MTFMT: variants seen among roughly 807,000 people sequenced by gnomAD.
MTFMT encodes mitochondrial methionyl-tRNA formyltransferase.
Under a neutral mutation model 51.8 loss-of-function variants are expected in MTFMT, and 47 were observed. The observed-to-expected ratio is 0.91, with a 90% CI of 0.72 to 1.16. The LOEUF is 1.16. Among genes scored for constraint, MTFMT ranks in the 50% most tolerant of loss-of-function variants. The pLI is 0.00. For synonymous variants in MTFMT, 196 were observed against 176.7 expected (o/e 1.11, Z -0.87); for missense variants, 512 against 482.3 (o/e 1.06, Z -0.58).
intron 1 of MTFMT, among the ~76,000 whole-genome samples, chr15:65,028,309 T>C (rs1310470080): frequency 6.6e-6 from 1 of 152,158 alleles, no homozygotes. Flanking sequence ...CTAGCTACTC[T>C]GGAAGCTGAG....
At position 65,002,962 on chromosome 15, in the gene MTFMT, C is replaced by CAAA. The variant is rs398027674; in HGVS notation, c.*97_*99dup. ...TGGGTGACAGAGTGAGACTCTGTCT[C>CAAA]AAAAAAAAAAAAAAAAAAAAAAGTC... On this transcript the variant is annotated 3_prime_UTR_variant, in exon 9 of 9. Coordinates refer to ENST00000220058, the MANE Select transcript of MTFMT (RefSeq NM_139242.4). The CAAA allele has an allele frequency of 0.016, 5,134 of 322,404 alleles. 4 individuals are homozygous for CAAA. The highest frequency in any genetic ancestry group is 0.02 in the Middle Eastern group (22 of 1,124). 20.0% of individuals were successfully genotyped at this position (322,404 alleles called of 1,614,324 possible).
At chr15:65,019,961 GTCTT>G (rs1016628145) in intron 5 of MTFMT, among the ~76,000 whole-genome samples, 2 of 151,978 alleles carry the variant, frequency 1.3e-5, no homozygotes, top group African/African-American at 4.8e-5. Flanking sequence ...TATTATACCA[GTCTT>G]TCTATTTAAT....
intron 4 of MTFMT, among the ~76,000 whole-genome samples, chr15:65,020,883 G>A (rs1289953087): frequency 2.0e-5 from 3 of 152,196 alleles, no homozygotes; most frequent in African/African-American, 7.2e-5. Context: ...TCAATAAACG[G>A]CAGTCACTAT....
chr15:65,015,034 A>C (rs2086306886), intron 6 of MTFMT, among the ~76,000 whole-genome samples: 1 of 151,778 alleles, frequency 6.6e-6, no homozygotes, highest in African/African-American at 2.4e-5. Context: ...GCCTTCAATA[A>C]ATATTTTGTT....
chr15:65,027,125 A>G lies in MTFMT; in HGVS notation c.210-85T>C, dbSNP rs1445180104. ...ACTTCACATATCGCTAAGTATGTTT[A>G]TGATTAATCTCATGAAGCATTTAGG... On this transcript the variant is annotated intron_variant, in intron 1 of 8. Coordinates refer to ENST00000220058, the MANE Select transcript of MTFMT (RefSeq NM_139242.4). 6.4e-6 allele frequency: 6 copies of G among 938,812 alleles called. No individual in the cohort carries two copies. In the African/African-American group the frequency reaches 8.2e-5, roughly 13 times the overall value. 58.2% of individuals were successfully genotyped at this position (938,812 alleles called of 1,614,324 possible). A position where few individuals can be genotyped will look rare whatever the true frequency, so the allele number is the denominator to read the frequency against.
rs757948033 is a variant in MTFMT at position 65,003,237 on chromosome 15, C to T, written c.995G>A (p.Arg332Gln). The stretch of plus-strand genomic sequence containing the variant: ...TAGTGATTTCTTGAGCATCACTGAT[C>T]GAACACCAATCCAACCATCCTAAAG... ...VYCKDGWIGV[R>Q]SVMLKKSLTA... The change falls in exon 9 of 9, where the codon CGA becomes CAA. Residue 332 changes from arginine to glutamine, a missense_variant. Transcript: ENST00000220058. The T allele has an allele frequency of 5.6e-6, 9 of 1,612,626 alleles. No individual in the cohort carries two copies. Among genetic ancestry groups the T allele is most frequent in the South Asian group, 2.2e-5 (2 of 90,932 alleles).
chr15:65,021,264 A>G (rs1045113385), intron 4 of MTFMT, among the ~76,000 whole-genome samples: 21 of 152,230 alleles, frequency 1.4e-4, no homozygotes, highest in Non-Finnish European at 1.5e-5. Flanking sequence ...AGACCTCACT[A>G]TGGCATGTAG....
At chr15:65,023,263 A>G (rs2086390873) in intron 3 of MTFMT, among the ~76,000 whole-genome samples, 1 of 152,204 alleles carries the variant, frequency 6.6e-6, no homozygotes, top group Non-Finnish European at 1.5e-5. Context: ...TAGGACAATT[A>G]TATTGCATAT....
intron 6 of MTFMT, among the ~76,000 whole-genome samples, chr15:65,007,601 C>T (rs1463200763): frequency 6.6e-6 from 1 of 152,042 alleles, no homozygotes; most frequent in Non-Finnish European, 1.5e-5. Flanking sequence ...AAGTGGAATG[C>T]GTGGGTTAAA....
chr15:65,016,637 TTTTC>T, intron 5 of MTFMT, 110 bp from the exon 6 acceptor site: 1 of 550,454 alleles, frequency 1.8e-6, no homozygotes, highest in Non-Finnish European at 3.1e-6. Flanking sequence ...ACCTCTCAAC[TTTTC>T]TTTATGTTCA....
At chr15:65,021,262 C>A (rs892835610) in intron 4 of MTFMT, among the ~76,000 whole-genome samples, 7 of 152,208 alleles carry the variant, frequency 4.6e-5, no homozygotes, top group East Asian at 1.9e-4. Context: ...TAAGACCTCA[C>A]TATGGCATGT....
intron 5 of MTFMT, 73 bp downstream of exon 5, chr15:65,020,124 G>T: frequency 7.2e-7 from 1 of 1,385,036 alleles, no homozygotes; most frequent in Non-Finnish European, 9.9e-7. Context: ...CAGCTAAGAA[G>T]TCAGAATGTT....
chr15:65,026,850 G>C lies in MTFMT; in HGVS notation c.400C>G (p.Leu134Val). The part of the protein sequence containing the change: ...ASFGRLLNEA[L>V]ILKFPYGILN... ...ACTTACTAGGGAAATTTAAGAATAA[G>C]AGCCTCATTCAAAAGTCGGCCAAAC... Residue 134 changes from leucine to valine, a missense_variant, in exon 2 of 9, where the codon CTT (leucine) becomes GTT (valine). By Grantham distance (32) the Leu-to-Val change is conservative. Transcript: ENST00000220058. The C allele has an allele frequency of 1.9e-6, 3 of 1,613,806 alleles. No individual in the cohort carries two copies. Among genetic ancestry groups the C allele is most frequent in the South Asian group, 1.1e-5 (1 of 91,040 alleles).
At chr15:65,019,180 G>C (rs2140483865) in intron 5 of MTFMT, among the ~76,000 whole-genome samples, 1 of 152,244 alleles carries the variant, frequency 6.6e-6, no homozygotes, top group African/African-American at 2.4e-5. Context: ...CTTAACACTG[G>C]AAAGATCTGG....
Position 65,026,899 on chromosome 15 carries a change from T to C in MTFMT, c.351A>G (p.Glu117=). ...VYEWPDVGSG[E]YDVGVVASFG... is the part of the protein sequence containing the mutation. ...ACGAAGCCACTACTCCAACATCATATTCTCCAGATCCCACATCCGGCCACT... is the reference window on the plus strand; with the variant it reads ...ACGAAGCCACTACTCCAACATCATACTCTCCAGATCCCACATCCGGCCACT... The change falls in exon 2 of 9, where the codon GAA becomes GAG. Residue 117 remains glutamate (E), a synonymous_variant. Coordinates refer to ENST00000220058, the MANE Select transcript of MTFMT (RefSeq NM_139242.4). 6.2e-7 allele frequency: 1 copy of C among 1,614,006 alleles called. No individual in the cohort carries two copies. Among genetic ancestry groups the C allele is most frequent in the East Asian group, 2.2e-5 (1 of 44,880 alleles).
chr15:65,023,738 A>C lies in MTFMT; in HGVS notation c.476T>G (p.Val159Gly). The change falls in exon 3 of 9, where the codon GTA becomes GGA. Residue 159 changes from valine to glycine, a missense_variant. Physicochemically the swap from Val to Gly is moderately radical, Grantham distance 109. Coordinates refer to ENST00000220058, the MANE Select transcript of MTFMT (RefSeq NM_139242.4). ...CLPRWRGPAP[V>G]IHTVLHGDTV... ...GTCTCCGTGAAGCACTGTATGGATTACAGGGGCTGGGCCACGCCATCTCGG... is the reference window on the plus strand; with the variant it reads ...GTCTCCGTGAAGCACTGTATGGATTCCAGGGGCTGGGCCACGCCATCTCGG... 1.9e-6 allele frequency: 3 copies of C among 1,613,722 alleles called. No homozygotes were observed. Among genetic ancestry groups the C allele is most frequent in the Non-Finnish European group, 1.7e-6 (2 of 1,179,670 alleles).
Position 65,029,637 on chromosome 15 carries a change from C to T in MTFMT, c.-24G>A, listed in dbSNP as rs113354484. 5.1e-6 allele frequency: 7 copies of T among 1,372,834 alleles called. No homozygotes were observed. In the East Asian group the frequency reaches 1.8e-4, roughly 36 times the overall value. 85.0% of individuals were successfully genotyped at this position (1,372,834 alleles called of 1,614,324 possible). A position where few individuals can be genotyped will look rare whatever the true frequency, so the allele number is the denominator to read the frequency against. On this transcript the variant is annotated 5_prime_UTR_variant, in exon 1 of 9. Coordinates refer to ENST00000220058, the MANE Select transcript of MTFMT (RefSeq NM_139242.4). ...ATCGCCTCGGCCGCCGGCGGCCGGC[C>T]CTGCGCAGGCGCATCGGGGCGGGGA...
chr15:65,011,290 C>T (rs1327649334), intron 6 of MTFMT, among the ~76,000 whole-genome samples: 1 of 152,020 alleles, frequency 6.6e-6, no homozygotes, highest in Non-Finnish European at 1.5e-5. Context: ...CCATTGCACT[C>T]CAGCCTGGGC....
At chr15:65,017,531 C>T (rs1181332165) in intron 5 of MTFMT, among the ~76,000 whole-genome samples, 4 of 152,094 alleles carry the variant, frequency 2.6e-5, no homozygotes, top group Non-Finnish European at 5.9e-5. Flanking sequence ...CCATAAAAAA[C>T]AAAAAGAAGG....
Sources: gnomAD v4.1 joint callset for allele counts (sites outside exome capture counted in the v4.1 genomes callset) on GRCh38, gnomAD v4.1.1 for gene constraint, MANE v1.5 for transcripts, NCBI Gene and HGNC (gene_info 2026-07-23, HGNC 2026-07-21) for gene names.